The following PCLO variants were observed in gnomAD, a reference collection of about 807,000 sequenced individuals.
PCLO encodes the protein piccolo presynaptic cytomatrix protein.
PCLO carries 82 observed loss-of-function variants against 427.5 expected under a neutral mutation model. That is an observed-to-expected ratio of 0.19 (90% CI 0.16 to 0.23). PCLO has a LOEUF of 0.23. Ranked by LOEUF, PCLO falls within the 10% of genes least tolerant of loss-of-function variation. The pLI is 1.00. For missense variants in PCLO, 6,239 were observed against 6,115.9 expected (o/e 1.02, Z -0.67); for synonymous variants, 2,357 against 2,155.4 (o/e 1.09, Z -2.59).
rs547723202 is a variant in PCLO at position 82,801,451 on chromosome 7, C to T, written c.15007+67G>A. 4.4e-5 allele frequency: 36 copies of T among 822,818 alleles called. No individual in the cohort carries two copies. In the African/African-American group the frequency reaches 5.5e-4, roughly 13 times the overall value. 51.0% of individuals were successfully genotyped at this position (822,818 alleles called of 1,614,324 possible). On this transcript the variant is annotated intron_variant, in intron 22 of 24. Transcript: ENST00000333891. ...ATTTAAATTCATGTTAAAAGAAAAA[C>T]AACTGAAACACTTATACTGTAGAAT...
In PCLO at chr7:82,894,160, T is replaced by C. The variant is rs1297129494; in HGVS notation, c.13528+8491A>G. Among the ~76,000 whole-genome samples, 3 of 151,920 alleles carry C rather than the reference T, an allele frequency of 2.0e-5. 1 individual carries two copies. The highest frequency in any genetic ancestry group is 7.2e-5 in the African/African-American group (3 of 41,398). On this transcript the variant is annotated intron_variant, in intron 9 of 24. Coordinates refer to ENST00000333891, the MANE Select transcript of PCLO (RefSeq NM_033026.6). ...TAATTAAATAGATTACAAAATAAAA[T>C]AAATAAAATTTTCTCCCAAATAATG...
intron 3 of PCLO, among the ~76,000 whole-genome samples, chr7:83,080,599 A>T (rs201830028): frequency 6.6e-6 from 1 of 152,068 alleles, no homozygotes; most frequent in Non-Finnish European, 1.5e-5. Flanking sequence ...TGCTCTCCCC[A>T]ATGTTGTGAA....
chr7:83,130,403 C>G (rs1791541700), intron 3 of PCLO, among the ~76,000 whole-genome samples: 1 of 152,158 alleles, frequency 6.6e-6, no homozygotes. Context: ...TCTCAAACTC[C>G]TGACCTCAAG....
At chr7:82,983,263 T>C (rs559164901) in intron 3 of PCLO, among the ~76,000 whole-genome samples, 2 of 151,210 alleles carry the variant, frequency 1.3e-5, no homozygotes, top group African/African-American at 2.4e-5. Context: ...AAAACTATTT[T>C]TTAATTTTTT....
chr7:82,772,220 T>C (rs139226847), intron 22 of PCLO, among the ~76,000 whole-genome samples: 203 of 152,264 alleles, frequency 1.3e-3, no homozygotes, highest in African/African-American at 4.6e-3. Flanking sequence ...GAAAGTAATT[T>C]ATCAGCTCTA....
chr7:82,915,353 G>C lies in PCLO; in HGVS notation c.12633C>G (p.Asp4211Glu), dbSNP rs1304636387. The C allele has an allele frequency of 4.3e-6, 7 of 1,613,122 alleles. No homozygotes were observed. The highest frequency in any genetic ancestry group is 4.2e-6 in the Non-Finnish European group (5 of 1,179,476). The stretch of plus-strand genomic sequence containing the variant: ...TATAGCTTGAATAATCAGGTTCAAG[G>C]TCTCTACTTTCTTGAATAGGTGAAA... Reference protein sequence around the residue: ...SKFSPIQESRDLEPDYSSYMT... With the variant: ...SKFSPIQESRELEPDYSSYMT... The change falls in exon 7 of 25, where the codon GAC becomes GAG. Residue 4211 changes from aspartate to glutamate, a missense_variant. By Grantham distance (45) the Asp-to-Glu change is conservative (BLOSUM62 2). This residue lies in a region of PCLO where 680 missense variants were observed against 677.3 expected (regional missense o/e 1.00). Coordinates refer to ENST00000333891, the MANE Select transcript of PCLO (RefSeq NM_033026.6).
intron 3 of PCLO, among the ~76,000 whole-genome samples, chr7:83,104,562 T>G (rs919948096): frequency 6.6e-6 from 1 of 152,104 alleles, no homozygotes; most frequent in African/African-American, 2.4e-5. Flanking sequence ...TTGTATCACC[T>G]GGCTATAGTA....
chr7:83,000,790 AAAGT>A (rs1443925951), intron 3 of PCLO, among the ~76,000 whole-genome samples: 1 of 152,124 alleles, frequency 6.6e-6, no homozygotes, highest in Non-Finnish European at 1.5e-5. Flanking sequence ...GGATCTACAT[AAAGT>A]AAGTAAGAGT....
rs759644327 is a variant in PCLO, at chr7:82,805,812, G to T, written c.14809C>A (p.Arg4937=). 1.2e-6 allele frequency: 2 copies of T among 1,603,838 alleles called. No individual in the cohort carries two copies. Among genetic ancestry groups the T allele is most frequent in the South Asian group, 1.1e-5 (1 of 89,142 alleles). Residue 4937 remains arginine (R), a synonymous_variant, in exon 21 of 25, where the codon CGG becomes AGG. Coordinates refer to ENST00000333891, the MANE Select transcript of PCLO (RefSeq NM_033026.6). The part of the protein sequence containing the change: ...RIQPTKPPNH[R]PAESSVSTGS... Reference sequence around the variant, plus strand: ...GTGGACACAGAGCTTTCTGCAGGCCGGTGATTGGGAGGCTTTGCTGCATGG... The same window carrying T: ...GTGGACACAGAGCTTTCTGCAGGCCTGTGATTGGGAGGCTTTGCTGCATGG...
intron 7 of PCLO, 117 bp downstream of exon 7, chr7:82,914,569 C>T (rs1177281756): frequency 4.2e-6 from 4 of 962,460 alleles, no homozygotes; most frequent in Non-Finnish European, 6.5e-6. Flanking sequence ...TTGAAGTAAA[C>T]ATGCAAAAGA....
At chr7:83,009,282 G>A (rs1478162508) in intron 3 of PCLO, among the ~76,000 whole-genome samples, 1 of 151,696 alleles carries the variant, frequency 6.6e-6, no homozygotes, top group Non-Finnish European at 1.5e-5. Flanking sequence ...TTGGCATAAT[G>A]TTTAACATAA....
chr7:82,971,800 C>A (rs1023586859), intron 3 of PCLO, among the ~76,000 whole-genome samples: 1 of 149,112 alleles, frequency 6.7e-6, no homozygotes, highest in African/African-American at 2.5e-5. Context: ...GAGTTTACTA[C>A]ATAAAAAATT....
rs370704121 is a variant in PCLO at position 82,952,745 on chromosome 7, T to A, written c.8208A>T (p.Val2736=). 3 of 1,613,480 alleles carry A rather than the reference T, an allele frequency of 1.9e-6. No homozygotes were observed. The African/African-American group carries it at 4.0e-5, about 22-fold the overall frequency. ...TACATTTATCAGTTGTTTTAACTTC[T>A]ACCTTTGGTACTGTACGCAAATCAA... is the stretch of plus-strand genomic sequence containing the variant. ...DVIDLRTVPK[V]EVKTTDKCID... is the part of the protein sequence containing the mutation. The change falls in exon 5 of 25, where the codon GTA becomes GTT. Residue 2736 remains valine, a synonymous_variant. Coordinates refer to ENST00000333891, the MANE Select transcript of PCLO (RefSeq NM_033026.6).
At chr7:83,132,779 T>C (rs996182625) in intron 3 of PCLO, among the ~76,000 whole-genome samples, 8 of 152,258 alleles carry the variant, frequency 5.3e-5, no homozygotes, top group Non-Finnish European at 1.2e-4. Context: ...GTGTTGATAC[T>C]ATAAGGATCC....
intron 3 of PCLO, among the ~76,000 whole-genome samples, chr7:82,984,112 T>A (rs940307748): frequency 4.6e-5 from 7 of 152,110 alleles, no homozygotes; most frequent in African/African-American, 1.7e-4. Context: ...TAACTATGGT[T>A]ATAACAAATA....
At chr7:82,874,783 C>T (rs779747066) in intron 10 of PCLO, among the ~76,000 whole-genome samples, 2 of 152,022 alleles carry the variant, frequency 1.3e-5, no homozygotes, top group Non-Finnish European at 1.5e-5. Context: ...TATTCAAAGT[C>T]CATATATTCT....
intron 3 of PCLO, among the ~76,000 whole-genome samples, chr7:83,049,509 G>A (rs768667255): frequency 1.3e-5 from 2 of 152,054 alleles, no homozygotes; most frequent in Non-Finnish European, 2.9e-5. Context: ...CTATTTTAGG[G>A]GAAGATGGAA....
intron 3 of PCLO, among the ~76,000 whole-genome samples, chr7:83,083,981 C>T (rs1790168234): frequency 6.6e-6 from 1 of 152,126 alleles, no homozygotes; most frequent in Non-Finnish European, 1.5e-5. Flanking sequence ...AGAACATCCT[C>T]TGTGTAGGAA....
intron 22 of PCLO, among the ~76,000 whole-genome samples, chr7:82,771,129 G>A (rs984141980): frequency 2.6e-5 from 4 of 151,806 alleles, no homozygotes; most frequent in African/African-American, 9.7e-5. Flanking sequence ...TACCATGATT[G>A]TAAGATCTCC....
Sources: allele counts gnomAD v4.1 joint callset (sites outside exome capture counted in the v4.1 genomes callset), GRCh38; gene constraint gnomAD v4.1.1; regional missense constraint gnomAD v4.1.1; transcripts MANE v1.5; gene names NCBI Gene and HGNC (gene_info 2026-07-23, HGNC 2026-07-21).